Variants in RAB38 observed in about 807,000 individuals in gnomAD.
RAB38 encodes the protein RAB38, member RAS oncogene family.
In RAB38, 15 loss-of-function variants were observed where a neutral mutation model predicts 18.4. The ratio of observed to expected loss-of-function variants is 0.82; its 90% CI spans 0.55 to 1.26. The LOEUF (loss-of-function observed/expected upper bound fraction) is 1.26. Ranked by LOEUF, RAB38 falls within the 50% of genes most tolerant of loss-of-function variation. RAB38 has a pLI of 0.00. For missense variants in RAB38, 294 were observed against 267.4 expected (o/e 1.10, Z -0.69); for synonymous variants, 101 against 104.4 (o/e 0.97, Z 0.20).
the RAB38 span, among the ~76,000 whole-genome samples, chr11:87,976,336 G>T: frequency 7.5e-6 from 1 of 133,786 alleles, no homozygotes; most frequent in Admixed American, 7.9e-5. Context: ...TTTATATGTA[G>T]GTATATATAT....
chr11:87,806,794 A>G, the RAB38 span, among the ~76,000 whole-genome samples: 1 of 152,214 alleles, frequency 6.6e-6, no homozygotes, highest in East Asian at 1.9e-4. Flanking sequence ...CAAAGATTTA[A>G]AGAGAAAACA....
the RAB38 span, among the ~76,000 whole-genome samples, chr11:87,944,268 G>GCAAA: frequency 6.6e-6 from 1 of 152,030 alleles, no homozygotes; most frequent in Non-Finnish European, 1.5e-5. Flanking sequence ...ACCTTCAATT[G>GCAAA]CAAACAAACA....
At chr11:88,014,552 T>C in the RAB38 span, among the ~76,000 whole-genome samples, 8 of 152,158 alleles carry the variant, frequency 5.3e-5, no homozygotes, top group African/African-American at 1.9e-4. Flanking sequence ...CTATCCTCCA[T>C]GATTGTTACA....
the RAB38 span, among the ~76,000 whole-genome samples, chr11:87,804,281 A>G: frequency 6.6e-6 from 1 of 152,054 alleles, no homozygotes. Flanking sequence ...GGGTAGAGGC[A>G]GTGGGTGTAT....
At chr11:87,842,296 G>C in the RAB38 span, among the ~76,000 whole-genome samples, 1 of 152,168 alleles carries the variant, frequency 6.6e-6, no homozygotes, top group Non-Finnish European at 1.5e-5. Context: ...ATTAAGCTGT[G>C]TCACTGAGAG....
chr11:87,921,644 C>T, the RAB38 span, among the ~76,000 whole-genome samples: 1 of 150,488 alleles, frequency 6.6e-6, no homozygotes, highest in East Asian at 1.9e-4. Flanking sequence ...TGACTCTTTT[C>T]TCTTTTACCA....
the RAB38 span, among the ~76,000 whole-genome samples, chr11:88,023,986 C>T: frequency 6.6e-6 from 1 of 152,050 alleles, no homozygotes; most frequent in African/African-American, 2.4e-5. Flanking sequence ...TTGATCTGGG[C>T]AAAAATTTCT....
At chr11:88,053,201 GGAATATATATATACACACATATATA>G in the RAB38 span, among the ~76,000 whole-genome samples, 1 of 82,494 alleles carries the variant, frequency 1.2e-5, no homozygotes, top group Non-Finnish European at 2.3e-5. Context: ...ACATATATAT[GGAATATATATATACACACATATATA>G]TGGAATATAT....
At chr11:88,012,033 C>T in the RAB38 span, among the ~76,000 whole-genome samples, 1 of 152,142 alleles carries the variant, frequency 6.6e-6, no homozygotes, top group Non-Finnish European at 1.5e-5. Flanking sequence ...TGACATTCAC[C>T]TGAGAGATGG....
At chr11:87,803,904 G>A in the RAB38 span, among the ~76,000 whole-genome samples, 1 of 152,210 alleles carries the variant, frequency 6.6e-6, no homozygotes, top group South Asian at 2.1e-4. Context: ...AACTTTCTGT[G>A]GCCCATGCCC....
the RAB38 span, among the ~76,000 whole-genome samples, chr11:87,976,238 C>T: frequency 1.4e-5 from 2 of 143,982 alleles, no homozygotes. Flanking sequence ...TATATATATA[C>T]ACCTTCATAT....
the RAB38 span, among the ~76,000 whole-genome samples, chr11:87,976,055 T>G: frequency 0.037 from 5,646 of 150,630 alleles, 204 homozygotes; most frequent in South Asian, 0.082. Flanking sequence ...GTGAAAGAAA[T>G]AGAATTAACA....
chr11:88,057,258 C>T, the RAB38 span, among the ~76,000 whole-genome samples: 3 of 152,186 alleles, frequency 2.0e-5, no homozygotes, highest in Non-Finnish European at 4.4e-5. Context: ...ACCAGATATT[C>T]GTGGGTGGAA....
intron 1 of RAB38, among the ~76,000 whole-genome samples, chr11:88,161,730 T>C (rs904336641): frequency 1.3e-5 from 2 of 152,206 alleles, no homozygotes; most frequent in South Asian, 2.1e-4. Flanking sequence ...AAATAATCAA[T>C]AGATTGTTAT....
chr11:87,966,667 G>A, the RAB38 span, among the ~76,000 whole-genome samples: 1 of 152,118 alleles, frequency 6.6e-6, no homozygotes, highest in African/African-American at 2.4e-5. Flanking sequence ...GGTACCAGAT[G>A]ACTGGCATTG....
the RAB38 span, among the ~76,000 whole-genome samples, chr11:88,032,892 A>G: frequency 2.0e-5 from 3 of 152,260 alleles, no homozygotes; most frequent in Non-Finnish European, 4.4e-5. Context: ...TACCCAAAGG[A>G]TTATAAATCA....
At chr11:88,117,369 C>T (rs868635262) in intron 2 of RAB38, among the ~76,000 whole-genome samples, 2 of 152,100 alleles carry the variant, frequency 1.3e-5, no homozygotes, top group Admixed American at 6.6e-5. Context: ...GCCTTGAATA[C>T]TAAATTTGTC....
chr11:87,839,056 C>T, the RAB38 span, among the ~76,000 whole-genome samples: 129 of 152,276 alleles, frequency 8.5e-4, 1 homozygote, highest in East Asian at 5.8e-3. Context: ...TACTATCCAT[C>T]GGACACAAGA....
chr11:88,011,009 C>T, the RAB38 span, among the ~76,000 whole-genome samples: 1 of 152,098 alleles, frequency 6.6e-6, no homozygotes, highest in Non-Finnish European at 1.5e-5. Context: ...AATTTGTCTC[C>T]CTGGCATTTA....
Sources: gnomAD v4.1 joint callset for allele counts (sites outside exome capture counted in the v4.1 genomes callset) on GRCh38, gnomAD v4.1.1 for gene constraint, MANE v1.5 for transcripts, NCBI Gene and HGNC (gene_info 2026-07-23, HGNC 2026-07-21) for gene names.